PCDHGB3: variants seen among roughly 807,000 people sequenced by gnomAD.
PCDHGB3 encodes the protein protocadherin gamma subfamily B, 3.
A neutral mutation model predicts 59.2 loss-of-function variants in PCDHGB3; 40 were observed. That is an observed-to-expected ratio of 0.68 (90% CI 0.52 to 0.88). The LOEUF is 0.88. PCDHGB3 is among the 40% of genes least tolerant of loss of function. The pLI, the probability that PCDHGB3 is intolerant of heterozygous loss-of-function variation, is 0.00. For synonymous variants in PCDHGB3, 581 were observed against 503.6 expected, an observed-to-expected ratio of 1.15 and a Z score of -2.06; for missense variants, 1,309 against 1,187.9, an observed-to-expected ratio of 1.10 and a Z score of -1.50.
At chr5:141,447,535 G>C (rs1366016262) in intron 1 of PCDHGB3, among the ~76,000 whole-genome samples, 1 of 152,162 alleles carries the variant, frequency 6.6e-6, no homozygotes, top group African/African-American at 2.4e-5. Flanking sequence ...AAATTGTTGG[G>C]TTTTAATGTT....
In PCDHGB3 at chr5:141,485,417, G is replaced by A. The variant is rs1340790133; in HGVS notation, c.2416-9390G>A. The A allele has an allele frequency of 1.2e-6, 2 of 1,614,166 alleles. No homozygotes were observed. Among genetic ancestry groups the A allele is most frequent in the Non-Finnish European group, 8.5e-7 (1 of 1,180,038 alleles). ...ACACTTCCGTGTGGATTTGGACAGCGGAGCCCTGCTCATCAAGAACCCAAT... is the reference window on the plus strand; with the variant it reads ...ACACTTCCGTGTGGATTTGGACAGCAGAGCCCTGCTCATCAAGAACCCAAT... On this transcript the variant is annotated intron_variant, in intron 1 of 3. Coordinates refer to ENST00000576222, the MANE Select transcript of PCDHGB3 (RefSeq NM_018924.5). The surrounding 1 kb of genome is among the most constrained non-coding windows in gnomAD (Gnocchi z 5.7).
At chr5:141,393,650 C>T in intron 1 of PCDHGB3, 2 of 1,613,904 alleles carry the variant, frequency 1.2e-6, no homozygotes, top group South Asian at 1.1e-5. Flanking sequence ...AAGTGGCATA[C>T]AAATTCCGGA....
rs1228153118 is a variant in PCDHGB3 at position 141,433,077 on chromosome 5, C to G, written c.2415+60268C>G. 5.0e-6 allele frequency: 8 copies of G among 1,614,080 alleles called. No homozygotes were observed. The African/African-American group carries it at 6.7e-5, about 13-fold the overall frequency. On this transcript the variant is annotated intron_variant, in intron 1 of 3. Transcript: ENST00000576222. Reference sequence around the variant, plus strand: ...AAGAGTCACCTGATCTTCCCCCAGCCCAACTATGCAGACATGCTCGTCAGC... The same window carrying G: ...AAGAGTCACCTGATCTTCCCCCAGCGCAACTATGCAGACATGCTCGTCAGC...
intron 1 of PCDHGB3, chr5:141,382,870 C>A (rs760530453): frequency 2.0e-6 from 3 of 1,519,788 alleles, no homozygotes; most frequent in East Asian, 4.5e-5. Flanking sequence ...TTCCCGAGAT[C>A]GGCGCCTAAG....
intron 1 of PCDHGB3, among the ~76,000 whole-genome samples, chr5:141,469,568 T>C (rs942597017): frequency 6.6e-6 from 1 of 152,184 alleles, no homozygotes. Flanking sequence ...AGTGAGACTC[T>C]GTCTCTAAAT....
intron 1 of PCDHGB3, among the ~76,000 whole-genome samples, chr5:141,443,122 A>C (rs1239492679): frequency 6.6e-6 from 1 of 152,138 alleles, no homozygotes; most frequent in East Asian, 1.9e-4. Flanking sequence ...TTCAAACCAG[A>C]TTAAGAACAC....
At chr5:141,410,403 A>G (rs752705682) in intron 1 of PCDHGB3, 2 of 1,614,028 alleles carry the variant, frequency 1.2e-6, no homozygotes, top group Admixed American at 1.7e-5. Context: ...CTCTGTGTCA[A>G]GTCTGGACCT....
chr5:141,397,995 C>T, intron 1 of PCDHGB3: 1 of 1,367,706 alleles, frequency 7.3e-7, no homozygotes, highest in Non-Finnish European at 9.8e-7. Flanking sequence ...CCGCTTCCTC[C>T]TCGGAAAAAG....
intron 2 of PCDHGB3, among the ~76,000 whole-genome samples, chr5:141,500,138 ACTTTT>A: frequency 6.6e-6 from 1 of 150,560 alleles, no homozygotes; most frequent in Middle Eastern, 3.2e-3. Flanking sequence ...ATCTTTCTAA[ACTTTT>A]CTTTGTGTAA....
Position 141,372,712 on chromosome 5 carries a change from A to C in PCDHGB3, c.2318A>C (p.Glu773Ala), listed in dbSNP as rs781319922. ...TEFKFLNIKA[E>A]NAAPQDLLCD... The stretch of plus-strand genomic sequence containing the variant: ...TTTAAATTTCTCAATATAAAGGCTG[A>C]AAATGCTGCACCACAAGATCTTCTA... Residue 773 changes from glutamate (E) to alanine (A), a missense_variant, in exon 1 of 4, where the codon GAA becomes GCA. Transcript: ENST00000576222. The C allele has an allele frequency of 1.2e-6, 2 of 1,613,946 alleles. No homozygotes were observed. Among genetic ancestry groups the C allele is most frequent in the South Asian group, 2.2e-5 (2 of 91,078 alleles).
chr5:141,371,918 C>G lies in PCDHGB3; in HGVS notation c.1524C>G (p.Ser508Arg). 4.3e-6 allele frequency: 7 copies of G among 1,613,372 alleles called. No homozygotes were observed. The highest frequency in any genetic ancestry group is 5.1e-6 in the Non-Finnish European group (6 of 1,179,898). The change falls in exon 1 of 4, where the codon AGC becomes AGG. Residue 508 changes from serine to arginine, a missense_variant. By Grantham distance (110) the Ser-to-Arg change is moderately radical. Coordinates refer to ENST00000576222, the MANE Select transcript of PCDHGB3 (RefSeq NM_018924.5). ...PRELSSYVSV[S>R]ARSGVVFAQR... is the part of the protein sequence containing the mutation. ...AGCTGTCGTCCTACGTGTCCGTGAGCGCGCGGAGCGGGGTGGTGTTCGCGC... is the reference window on the plus strand; with the variant it reads ...AGCTGTCGTCCTACGTGTCCGTGAGGGCGCGGAGCGGGGTGGTGTTCGCGC...
intron 1 of PCDHGB3, chr5:141,423,606 GAT>G: frequency 6.2e-7 from 1 of 1,612,164 alleles, no homozygotes; most frequent in African/African-American, 1.3e-5. Flanking sequence ...AGCCACTCTT[GAT>G]AGCTGAAGAC....
chr5:141,449,592 A>C (rs1344646010), intron 1 of PCDHGB3, among the ~76,000 whole-genome samples: 1 of 150,266 alleles, frequency 6.7e-6, no homozygotes, highest in African/African-American at 2.4e-5. Context: ...CTGTCTCAAA[A>C]AAAAAAAAAA....
chr5:141,476,459 C>T lies in PCDHGB3; in HGVS notation c.2416-18348C>T. On this transcript the variant is annotated intron_variant, in intron 1 of 3. Coordinates refer to ENST00000576222, the MANE Select transcript of PCDHGB3 (RefSeq NM_018924.5). The surrounding 1 kb of genome is among the most constrained non-coding windows in gnomAD (Gnocchi z 7.6). ...AACTCTGGAGTTGGTAGTGGAGAACCCGCTGGAGCTGTTCAGCGTGGAAGT... is the reference window on the plus strand; with the variant it reads ...AACTCTGGAGTTGGTAGTGGAGAACTCGCTGGAGCTGTTCAGCGTGGAAGT... 6.2e-7 allele frequency: 1 copy of T among 1,614,048 alleles called. No individual in the cohort carries two copies. Among genetic ancestry groups the T allele is most frequent in the Non-Finnish European group, 8.5e-7 (1 of 1,180,006 alleles).
At chr5:141,412,441 G>A (rs1334085357) in intron 1 of PCDHGB3, 2 of 152,124 alleles carry the variant, frequency 1.3e-5, no homozygotes, top group Non-Finnish European at 2.9e-5. Context: ...GTTAATTAAG[G>A]CTCAGTAAAA....
At chr5:141,409,484 G>A in intron 1 of PCDHGB3, 1 of 1,613,974 alleles carries the variant, frequency 6.2e-7, no homozygotes, top group Non-Finnish European at 8.5e-7. Flanking sequence ...CACTGACAGG[G>A]GCAAGCCGCC....
chr5:141,467,055 CTTTT>C (rs1193465269), intron 1 of PCDHGB3, among the ~76,000 whole-genome samples: 5 of 134,484 alleles, frequency 3.7e-5, no homozygotes, highest in Non-Finnish European at 4.9e-5. Context: ...TCAATGTTTT[CTTTT>C]TTTTTTTTTT....
At chr5:141,405,364 C>T in intron 1 of PCDHGB3, 1 of 1,613,548 alleles carries the variant, frequency 6.2e-7, no homozygotes, top group Non-Finnish European at 8.5e-7. Flanking sequence ...TAGAAGACAC[C>T]CCTTTGGTTC....
intron 1 of PCDHGB3, chr5:141,377,955 G>GTTT (rs1774497186): frequency 6.6e-6 from 1 of 152,022 alleles, no homozygotes; most frequent in African/African-American, 2.4e-5. Context: ...GTGTATCCAG[G>GTTT]GCAACTTGAA....
Sources: gnomAD v4.1 joint callset for allele counts (sites outside exome capture counted in the v4.1 genomes callset) on GRCh38, gnomAD v4.1.1 for gene constraint, Gnocchi (gnomAD v3.1) non-coding constraint, MANE v1.5 for transcripts, NCBI Gene and HGNC (gene_info 2026-07-23, HGNC 2026-07-21) for gene names.